The following NXPH1 variants were observed in gnomAD, a reference collection of about 807,000 sequenced individuals.
The protein encoded by NXPH1 is neurexophilin 1, also known as neurexophilin-1.
In NXPH1, 5 loss-of-function variants were observed where a neutral mutation model predicts 23.7. The ratio of observed to expected loss-of-function variants is 0.21; its 90% CI spans 0.11 to 0.44. NXPH1 has a LOEUF of 0.44. Among genes scored for constraint, NXPH1 ranks in the 20% least tolerant of loss-of-function variants. The probability of loss-of-function intolerance (pLI) is 0.99; values close to 1 mark genes in which losing one functional copy is unlikely to be tolerated. For synonymous variants in NXPH1, 144 were observed against 122.2 expected, an observed-to-expected ratio of 1.18 and a Z score of -1.18; for missense variants, 324 against 321.6, an observed-to-expected ratio of 1.01 and a Z score of -0.06.
intron 2 of NXPH1, among the ~76,000 whole-genome samples, chr7:8,505,721 A>G (rs1817511029): frequency 6.6e-6 from 1 of 152,104 alleles, no homozygotes; most frequent in Admixed American, 6.6e-5. Context: ...ACATTCAATC[A>G]TTCAATAAAA....
chr7:8,706,012 C>T (rs1779699006), intron 2 of NXPH1, among the ~76,000 whole-genome samples: 1 of 152,136 alleles, frequency 6.6e-6, no homozygotes, highest in African/African-American at 2.4e-5. Context: ...CTACATAGGC[C>T]TAGTGTCCCA....
intron 2 of NXPH1, among the ~76,000 whole-genome samples, chr7:8,689,318 G>GAA (rs56942123): frequency 6.8e-6 from 1 of 148,086 alleles, no homozygotes; most frequent in African/African-American, 2.5e-5. Context: ...CAGATGAAGT[G>GAA]AAAAAAAAAA....
intron 2 of NXPH1, among the ~76,000 whole-genome samples, chr7:8,696,292 G>T (rs1258598287): frequency 1.3e-5 from 2 of 152,172 alleles, no homozygotes; most frequent in African/African-American, 4.8e-5. Context: ...TCATTCAACA[G>T]ATATTCTTTC....
intron 2 of NXPH1, among the ~76,000 whole-genome samples, chr7:8,685,359 T>G (rs1209110130): frequency 3.9e-5 from 6 of 152,084 alleles, no homozygotes; most frequent in Non-Finnish European, 8.8e-5. Flanking sequence ...ATGTGATTTT[T>G]ATCTTTCTGT....
intron 2 of NXPH1, among the ~76,000 whole-genome samples, chr7:8,517,822 G>T (rs1446266288): frequency 6.6e-6 from 1 of 152,120 alleles, no homozygotes; most frequent in Non-Finnish European, 1.5e-5. Flanking sequence ...TAATGCACTG[G>T]GAGAGAGCTA....
At chr7:8,740,515 T>G (rs2115226983) in intron 2 of NXPH1, among the ~76,000 whole-genome samples, 1 of 152,302 alleles carries the variant, frequency 6.6e-6, no homozygotes, top group Admixed American at 6.5e-5. Flanking sequence ...GGATTTGCAT[T>G]TAGACCTATG....
intron 2 of NXPH1, among the ~76,000 whole-genome samples, chr7:8,744,772 C>G (rs976117061): frequency 6.6e-6 from 1 of 152,178 alleles, no homozygotes; most frequent in African/African-American, 2.4e-5. Context: ...CTTTCTCAAC[C>G]TTTTTTATGT....
intron 2 of NXPH1, among the ~76,000 whole-genome samples, chr7:8,622,411 G>A (rs1459636680): frequency 6.6e-6 from 1 of 152,102 alleles, no homozygotes; most frequent in East Asian, 1.9e-4. Flanking sequence ...TATAAGTCTA[G>A]TTCTTTCCCA....
intron 2 of NXPH1, among the ~76,000 whole-genome samples, chr7:8,539,168 G>A (rs1018896101): frequency 5.3e-5 from 8 of 151,864 alleles, no homozygotes; most frequent in African/African-American, 1.9e-4. Flanking sequence ...AAGGGGAGGA[G>A]TTGATGGTGG....
At chr7:8,712,245 T>C (rs138211302) in intron 2 of NXPH1, among the ~76,000 whole-genome samples, 2 of 152,338 alleles carry the variant, frequency 1.3e-5, no homozygotes, top group East Asian at 3.9e-4. Context: ...GTTTTCTTTA[T>C]GTTATTTTTT....
At chr7:8,719,989 C>T (rs906531864) in intron 2 of NXPH1, among the ~76,000 whole-genome samples, 9 of 152,106 alleles carry the variant, frequency 5.9e-5, no homozygotes, top group Non-Finnish European at 1.0e-4. Context: ...AATCAATTGT[C>T]ATTTGGCTAT....
At chr7:8,685,125 C>T (rs1821125423) in intron 2 of NXPH1, among the ~76,000 whole-genome samples, 1 of 152,132 alleles carries the variant, frequency 6.6e-6, no homozygotes, top group South Asian at 2.1e-4. Flanking sequence ...CCTTTCAAAA[C>T]CTGCCCTTAT....
chr7:8,541,741 G>A (rs1242606158), intron 2 of NXPH1, among the ~76,000 whole-genome samples: 1 of 151,590 alleles, frequency 6.6e-6, no homozygotes, highest in African/African-American at 2.4e-5. Flanking sequence ...GGGGAAAATG[G>A]AAGTATATTA....
intron 2 of NXPH1, among the ~76,000 whole-genome samples, chr7:8,626,840 G>A (rs796427509): frequency 2.6e-5 from 4 of 151,844 alleles, no homozygotes; most frequent in African/African-American, 9.7e-5. Context: ...CTTATTCTTG[G>A]GACACTTTTT....
intron 2 of NXPH1, among the ~76,000 whole-genome samples, chr7:8,670,094 A>C (rs76124253): frequency 0.014 from 2,129 of 152,272 alleles, 40 homozygotes; most frequent in African/African-American, 0.048. Context: ...ACCCCTAATG[A>C]CGTAAACCAA....
At chr7:8,665,674 G>T (rs540422805) in intron 2 of NXPH1, among the ~76,000 whole-genome samples, 8 of 151,966 alleles carry the variant, frequency 5.3e-5, no homozygotes, top group African/African-American at 1.9e-4. Context: ...GCTATTTAAT[G>T]TGTTTAATTT....
intron 2 of NXPH1, among the ~76,000 whole-genome samples, chr7:8,451,433 C>T (rs1816505583): frequency 6.6e-6 from 1 of 152,186 alleles, no homozygotes; most frequent in Non-Finnish European, 1.5e-5. Flanking sequence ...CTTTTTCTTA[C>T]TAACCTTGAG....
intron 2 of NXPH1, among the ~76,000 whole-genome samples, chr7:8,465,414 C>G (rs1816770884): frequency 6.6e-6 from 1 of 152,142 alleles, no homozygotes; most frequent in Non-Finnish European, 1.5e-5. Context: ...AGGCCTCTCA[C>G]CCCTGAAAGG....
chr7:8,486,660 C>G (rs969715243), intron 2 of NXPH1, among the ~76,000 whole-genome samples: 2 of 152,154 alleles, frequency 1.3e-5, no homozygotes, highest in Non-Finnish European at 2.9e-5. Flanking sequence ...CTGCCTGCCT[C>G]TCCAAACTCA....
Sources: gnomAD v4.1 joint callset for allele counts (sites outside exome capture counted in the v4.1 genomes callset) on GRCh38, gnomAD v4.1.1 for gene constraint, MANE v1.5 for transcripts, NCBI Gene and HGNC (gene_info 2026-07-23, HGNC 2026-07-21) for gene names.